Variants in SYNE1 observed in about 807,000 individuals in gnomAD.
SYNE1 encodes the protein nesprin-1.
In SYNE1, 616 loss-of-function variants were observed where a neutral mutation model predicts 1,111.0. The observed-to-expected ratio is 0.55, with a 90% confidence interval of 0.52 to 0.59. SYNE1 has a LOEUF of 0.59. Ranked by LOEUF, SYNE1 falls within the 20% of genes least tolerant of loss-of-function variation. SYNE1 has a pLI of 0.00. For synonymous variants in SYNE1, 3,855 were observed against 3,825.8 expected, an observed-to-expected ratio of 1.01 and a Z score of -0.28; for missense variants, 10,006 against 10,417.0, an observed-to-expected ratio of 0.96 and a Z score of 1.72.
At chr6:152,620,121 T>G (rs1466323135) in intron 3 of SYNE1, among the ~76,000 whole-genome samples, 1 of 132,014 alleles carries the variant, frequency 7.6e-6, no homozygotes, top group Non-Finnish European at 1.8e-5. Context: ...AACATGTACA[T>G]GTAAAGAAAA....
At chr6:152,617,433 A>G (rs1432856831) in intron 3 of SYNE1, among the ~76,000 whole-genome samples, 1 of 152,256 alleles carries the variant, frequency 6.6e-6, no homozygotes, top group Non-Finnish European at 1.5e-5. Flanking sequence ...TGTCACTCTC[A>G]TAGACCACAG....
At position 152,433,836 on chromosome 6, in the gene SYNE1, T is replaced by C; in HGVS notation, c.4420A>G (p.Thr1474Ala). Reference protein sequence around the residue: ...EKEKELNALETSSSAMDMQIS... With the variant: ...EKEKELNALEASSSAMDMQIS... ...TGCATGTCCATGGCAGATGACGAAG[T>C]TTCCAAGGCATTGAGTTCTTTTTCT... The change falls in exon 34 of 146, where the codon ACT becomes GCT. Residue 1474 changes from threonine to alanine, a missense_variant. Physicochemically the swap from Thr to Ala is moderately conservative, Grantham distance 58. Around this residue, in one of 7 missense-constraint regions of SYNE1, gnomAD observed 1,971 missense variants for 2,084.1 expected, o/e 0.95. Coordinates refer to ENST00000367255, the MANE Select transcript of SYNE1 (RefSeq NM_182961.4). The C allele has an allele frequency of 2.5e-6, 4 of 1,613,842 alleles. No homozygotes were observed. Among genetic ancestry groups the C allele is most frequent in the East Asian group, 2.2e-5 (1 of 44,862 alleles).
At chr6:152,138,906 A>C (rs188436816) in intron 140 of SYNE1, among the ~76,000 whole-genome samples, 2 of 152,350 alleles carry the variant, frequency 1.3e-5, no homozygotes, top group Admixed American at 6.5e-5. Flanking sequence ...AGCCAAAATC[A>C]AACGCAAATG....
intron 11 of SYNE1, among the ~76,000 whole-genome samples, chr6:152,497,991 T>G (rs1234400970): frequency 6.6e-6 from 1 of 152,064 alleles, no homozygotes; most frequent in Non-Finnish European, 1.5e-5. Flanking sequence ...TAAGTCACAT[T>G]TACATTTGTG....
At chr6:152,609,297 A>C (rs2099624759) in intron 3 of SYNE1, among the ~76,000 whole-genome samples, 1 of 152,102 alleles carries the variant, frequency 6.6e-6, no homozygotes, top group Non-Finnish European at 1.5e-5. Context: ...AGGTCTTAGC[A>C]ACCAGAAGAC....
chr6:152,509,822 C>T (rs1478430199), intron 8 of SYNE1, among the ~76,000 whole-genome samples: 1 of 152,024 alleles, frequency 6.6e-6, no homozygotes, highest in East Asian at 1.9e-4. Flanking sequence ...ACATAATAGT[C>T]TCATGAAGAG....
chr6:152,428,215 G>A lies in SYNE1; in HGVS notation c.4966C>T (p.His1656Tyr), dbSNP rs759645521. The A allele has an allele frequency of 6.2e-7, 1 of 1,613,446 alleles. No homozygotes were observed. The highest frequency in any genetic ancestry group is 1.3e-5 in the African/African-American group (1 of 75,044). The change falls in exon 37 of 146, where the codon CAC becomes TAC. Residue 1656 changes from histidine (H) to tyrosine (Y), a missense_variant. Physicochemically the swap from His to Tyr is moderately conservative, Grantham distance 83. Transcript: ENST00000367255. Reference protein sequence around the residue: ...RQTALENLLAHWQRLEKELSS... With the variant: ...RQTALENLLAYWQRLEKELSS... ...AAAAGTGCTGCTCACCTCTGCCAGT[G>A]GGCCAGCAGATTCTCCAGCGCCGTC...
At chr6:152,198,713 C>T (rs1269880855) in intron 127 of SYNE1, among the ~76,000 whole-genome samples, 1 of 152,124 alleles carries the variant, frequency 6.6e-6, no homozygotes, top group Non-Finnish European at 1.5e-5. Context: ...AGATTGGGAA[C>T]ATTGTTGGTG....
chr6:152,339,466 C>A, intron 74 of SYNE1, 100 bp from the exon 75 acceptor site: 2 of 1,511,366 alleles, frequency 1.3e-6, no homozygotes, highest in East Asian at 2.4e-5. Context: ...CAAAAATAGT[C>A]TTGCTATGCT....
intron 84 of SYNE1, 49 bp from the exon 85 acceptor site, chr6:152,319,064 T>C (rs1161778272): frequency 1.2e-6 from 2 of 1,606,404 alleles, no homozygotes; most frequent in Non-Finnish European, 1.7e-6. Flanking sequence ...TAAAAGTGAA[T>C]AATAGATACT....
chr6:152,462,137 A>G (rs534651060), intron 20 of SYNE1, among the ~76,000 whole-genome samples: 36 of 152,132 alleles, frequency 2.4e-4, no homozygotes, highest in Middle Eastern at 3.4e-3. Flanking sequence ...AAAAACTTAT[A>G]AATTAGAAAT....
intron 130 of SYNE1, among the ~76,000 whole-genome samples, chr6:152,170,190 A>T (rs1295543040): frequency 6.6e-6 from 1 of 152,206 alleles, no homozygotes; most frequent in Non-Finnish European, 1.5e-5. Context: ...CAATGAACTA[A>T]ATATGAGACA....
chr6:152,464,783 A>T (rs2098754542), intron 18 of SYNE1: 1 of 217,636 alleles, frequency 4.6e-6, no homozygotes, highest in Non-Finnish European at 9.3e-6. Context: ...TGGCCAAAAA[A>T]TAAATCACTC....
intron 90 of SYNE1, among the ~76,000 whole-genome samples, chr6:152,309,608 T>A (rs1381636925): frequency 6.6e-6 from 1 of 152,208 alleles, no homozygotes; most frequent in East Asian, 1.9e-4. Context: ...TTTAAAAATA[T>A]CACTAAAAGA....
chr6:152,514,899 G>A (rs971679917), intron 6 of SYNE1, among the ~76,000 whole-genome samples: 20 of 152,074 alleles, frequency 1.3e-4, no homozygotes, highest in African/African-American at 2.2e-4. Flanking sequence ...CAGCCAAAGC[G>A]GACTAATGCA....
rs370518890 is a variant in SYNE1 at position 152,155,956 on chromosome 6, G to A, written c.23932C>T (p.Arg7978Trp). ...ATAGCACAAATGTTTCTCCACCGCC[G>A]GTCCAGGTTTCTCGTAGCCTGCTGT... ...SIQQATRNLD[R>W]RWRNICAMSM... The change falls in exon 132 of 146, where the codon CGG (arginine) becomes TGG (tryptophan). Residue 7978 changes from arginine to tryptophan, a missense_variant. By Grantham distance (101) the Arg-to-Trp change is moderately radical (BLOSUM62 -3). This residue lies in a region of SYNE1 where 2,182 missense variants were observed against 2,287.8 expected (regional missense o/e 0.95). Coordinates refer to ENST00000367255, the MANE Select transcript of SYNE1 (RefSeq NM_182961.4). 4.3e-6 allele frequency: 7 copies of A among 1,613,962 alleles called. No individual in the cohort carries two copies. The highest frequency in any genetic ancestry group is 1.1e-5 in the South Asian group (1 of 91,074).
intron 44 of SYNE1, among the ~76,000 whole-genome samples, chr6:152,407,488 A>C (rs1592064107): frequency 6.6e-6 from 1 of 152,210 alleles, no homozygotes; most frequent in Non-Finnish European, 1.5e-5. Flanking sequence ...ACTCAATATA[A>C]GGTTGAATTC....
chr6:152,396,123 T>C (rs747464905), intron 50 of SYNE1, among the ~76,000 whole-genome samples: 5 of 152,202 alleles, frequency 3.3e-5, no homozygotes, highest in Non-Finnish European at 5.9e-5. Flanking sequence ...TTGGGGCCAG[T>C]GAATAAGTAG....
chr6:152,391,719 C>T, intron 51 of SYNE1, 151 bp from the exon 52 acceptor site: 1 of 960,974 alleles, frequency 1.0e-6, no homozygotes, highest in Non-Finnish European at 1.5e-6. Flanking sequence ...TGGGAACTGA[C>T]CTGGTTATTT....
Sources: allele counts gnomAD v4.1 joint callset (sites outside exome capture counted in the v4.1 genomes callset), GRCh38; gene constraint gnomAD v4.1.1; regional missense constraint gnomAD v4.1.1; transcripts MANE v1.5; gene names NCBI Gene and HGNC (gene_info 2026-07-23, HGNC 2026-07-21).